The following CLSTN2 variants were observed in gnomAD, a reference collection of about 807,000 sequenced individuals.
The protein encoded by CLSTN2 is calsyntenin 2, also known as calsyntenin-2.
Under a neutral mutation model 101.2 loss-of-function variants are expected in CLSTN2, and 48 were observed. That is an observed-to-expected ratio of 0.47 (90% CI 0.38 to 0.60). The LOEUF is 0.60. Among genes scored for constraint, CLSTN2 ranks in the 20% least tolerant of loss-of-function variants. The pLI, the probability that CLSTN2 is intolerant of heterozygous loss-of-function variation, is 0.00. For missense variants in CLSTN2, 1,160 were observed against 1,238.2 expected (o/e 0.94, Z 0.95); for synonymous variants, 481 against 463.6 (o/e 1.04, Z -0.48).
chr3:140,130,046 C>T (rs1006225796), intron 1 of CLSTN2, among the ~76,000 whole-genome samples: 1 of 152,188 alleles, frequency 6.6e-6, no homozygotes, highest in Admixed American at 6.5e-5. Context: ...GGGATGGATA[C>T]CCACTTTGTC....
chr3:140,221,684 A>T (rs1349631565), intron 2 of CLSTN2, among the ~76,000 whole-genome samples: 1 of 152,238 alleles, frequency 6.6e-6, no homozygotes, highest in Non-Finnish European at 1.5e-5. Flanking sequence ...ATATGAATAG[A>T]CATTTCTCAA....
At chr3:139,976,419 G>T (rs922215437) in intron 1 of CLSTN2, among the ~76,000 whole-genome samples, 17 of 152,236 alleles carry the variant, frequency 1.1e-4, no homozygotes, top group African/African-American at 4.1e-4. Context: ...CTCTGCATAT[G>T]GGATTTCAGA....
At chr3:140,049,155 C>T (rs1290375032) in intron 1 of CLSTN2, among the ~76,000 whole-genome samples, 1 of 152,234 alleles carries the variant, frequency 6.6e-6, no homozygotes, top group Non-Finnish European at 1.5e-5. Flanking sequence ...TGAGGATACA[C>T]TGACCAGCAT....
chr3:140,488,204 T>G (rs751499283), intron 8 of CLSTN2, among the ~76,000 whole-genome samples: 14 of 152,222 alleles, frequency 9.2e-5, no homozygotes, highest in Non-Finnish European at 1.6e-4. Context: ...TTCATTCACT[T>G]ATCCATTCAT....
Position 139,935,443 on chromosome 3 carries a change from T to C in CLSTN2, c.69T>C (p.Gly23=). 1 of 1,231,144 alleles carries C rather than the reference T, an allele frequency of 8.1e-7. No individual in the cohort carries two copies. The highest frequency in any genetic ancestry group is 2.7e-4 in the Middle Eastern group (1 of 3,658). The allele number at this position is 1,231,144 out of a possible 1,614,324, so 76.3% of individuals were successfully genotyped here. A position where few individuals can be genotyped will look rare whatever the true frequency, so the allele number is the denominator to read the frequency against. ...LALGVGSGSG[G]GGDSRQRRLL... is the part of the protein sequence containing the mutation. ...TGGGCGTGGGGAGCGGCAGCGGCGG[T>C]GGCGGGGACAGCCGGCAGCGCCGCC... The change falls in exon 1 of 17, where the codon GGT becomes GGC. Residue 23 remains glycine (G), a synonymous_variant. Coordinates refer to ENST00000458420, the MANE Select transcript of CLSTN2 (RefSeq NM_022131.3). The surrounding 1 kb of genome is among the most constrained non-coding windows in gnomAD (Gnocchi z 5.5).
chr3:140,360,594 G>A (rs961944041), intron 2 of CLSTN2, among the ~76,000 whole-genome samples: 5 of 152,104 alleles, frequency 3.3e-5, no homozygotes, highest in Admixed American at 6.5e-5. Context: ...GGAAAGTGGG[G>A]CAGGGAGGTC....
intron 2 of CLSTN2, among the ~76,000 whole-genome samples, chr3:140,184,273 C>T (rs2010453417): frequency 6.6e-6 from 1 of 152,158 alleles, no homozygotes; most frequent in South Asian, 2.1e-4. Flanking sequence ...TTTCACACTG[C>T]TATGTAAAGA....
chr3:140,288,849 C>T (rs1366653762), intron 2 of CLSTN2, among the ~76,000 whole-genome samples: 1 of 152,164 alleles, frequency 6.6e-6, no homozygotes, highest in African/African-American at 2.4e-5. Context: ...GTGGCATTCT[C>T]CACAGTCCCC....
intron 2 of CLSTN2, among the ~76,000 whole-genome samples, chr3:140,197,390 C>T (rs1425321998): frequency 6.6e-6 from 1 of 152,158 alleles, no homozygotes; most frequent in African/African-American, 2.4e-5. Context: ...AATAAAATCA[C>T]TAAATATATA....
chr3:140,136,149 A>C (rs1314149727), intron 1 of CLSTN2, among the ~76,000 whole-genome samples: 1 of 152,146 alleles, frequency 6.6e-6, no homozygotes, highest in Non-Finnish European at 1.5e-5. Context: ...CTAATAATTG[A>C]AAATATCTAT....
At chr3:140,092,417 A>T (rs973066028) in intron 1 of CLSTN2, among the ~76,000 whole-genome samples, 13 of 152,228 alleles carry the variant, frequency 8.5e-5, no homozygotes, top group African/African-American at 2.9e-4. Flanking sequence ...TGTACTCAGT[A>T]TTGACAAACA....
intron 5 of CLSTN2, among the ~76,000 whole-genome samples, chr3:140,423,596 A>T (rs2088530061): frequency 6.6e-6 from 1 of 152,158 alleles, no homozygotes; most frequent in African/African-American, 2.4e-5. Flanking sequence ...GGATATGATG[A>T]GGTTTCTCTT....
At chr3:140,274,370 C>T (rs530098166) in intron 2 of CLSTN2, among the ~76,000 whole-genome samples, 1 of 152,192 alleles carries the variant, frequency 6.6e-6, no homozygotes. Context: ...ACCAGCTCCC[C>T]AAAATCTGAT....
chr3:140,421,243 T>A lies in CLSTN2; in HGVS notation c.756T>A (p.Asp252Glu). The stretch of plus-strand genomic sequence containing the variant: ...CTCAGGACACCCTGGTGCAGGTGGA[T>A]GTGAAGCCAGTTTGCAAGCCTGGCT... The part of the protein sequence containing the change: ...PAAQDTLVQV[D>E]VKPVCKPGWQ... Residue 252 changes from aspartate to glutamate, a missense_variant, in exon 5 of 17, where the codon GAT becomes GAA. Coordinates refer to ENST00000458420, the MANE Select transcript of CLSTN2 (RefSeq NM_022131.3). 1 of 1,614,152 alleles carries A rather than the reference T, an allele frequency of 6.2e-7. No homozygotes were observed. Among genetic ancestry groups the A allele is most frequent in the Non-Finnish European group, 8.5e-7 (1 of 1,180,002 alleles).
At chr3:140,519,022 A>G (rs1407738964) in intron 8 of CLSTN2, among the ~76,000 whole-genome samples, 4 of 152,158 alleles carry the variant, frequency 2.6e-5, no homozygotes, top group African/African-American at 9.7e-5. Context: ...AGTCTGGTAC[A>G]TTGTCTCTTT....
chr3:139,957,521 T>C (rs1177418515), intron 1 of CLSTN2, among the ~76,000 whole-genome samples: 1 of 151,864 alleles, frequency 6.6e-6, no homozygotes, highest in Non-Finnish European at 1.5e-5. Context: ...GAAGCCTGAT[T>C]GGTTTATTAG....
chr3:140,249,270 T>C (rs574338933), intron 2 of CLSTN2, among the ~76,000 whole-genome samples: 1 of 152,186 alleles, frequency 6.6e-6, no homozygotes, highest in Non-Finnish European at 1.5e-5. Flanking sequence ...TCAGCCTAGA[T>C]GAAGATGAAT....
chr3:140,124,530 T>C (rs1281342066), intron 1 of CLSTN2, among the ~76,000 whole-genome samples: 1 of 152,182 alleles, frequency 6.6e-6, no homozygotes, highest in African/African-American at 2.4e-5. Context: ...GCCTTGCTGA[T>C]GAATGAGATT....
chr3:140,467,607 G>T (rs1431281111), intron 8 of CLSTN2, among the ~76,000 whole-genome samples: 1 of 151,976 alleles, frequency 6.6e-6, no homozygotes, highest in Non-Finnish European at 1.5e-5. Flanking sequence ...TTTTTATTCT[G>T]CCCCTTCCAT....
Sources: gnomAD v4.1 joint callset for allele counts (sites outside exome capture counted in the v4.1 genomes callset) on GRCh38, gnomAD v4.1.1 for gene constraint, Gnocchi (gnomAD v3.1) non-coding constraint, MANE v1.5 for transcripts, NCBI Gene and HGNC (gene_info 2026-07-23, HGNC 2026-07-21) for gene names.